The following CREM variants were observed in gnomAD, a reference collection of about 807,000 sequenced individuals.
The protein encoded by CREM is cAMP-responsive element modulator.
CREM carries 13 observed loss-of-function variants against 37.3 expected under a neutral mutation model. That is an observed-to-expected ratio of 0.35 (90% CI 0.23 to 0.55). The LOEUF is 0.55. CREM is among the 20% of genes least tolerant of loss of function. The pLI, the probability that CREM is intolerant of heterozygous loss-of-function variation, is 0.88. For missense variants in CREM, 296 were observed against 362.3 expected (o/e 0.82, Z 1.49); for synonymous variants, 124 against 120.2 (o/e 1.03, Z -0.21).
At chr10:35,209,860 T>A (rs17500582) in intron 7 of CREM, among the ~76,000 whole-genome samples, 50,586 of 152,036 alleles carry the variant, frequency 0.33, 8,513 homozygotes, top group Non-Finnish European at 0.35. Flanking sequence ...ATAACATTCT[T>A]TTCAATTTTA....
chr10:35,148,293 T>C, intron 2 of CREM, 75 bp from the exon 3 acceptor site: 1 of 1,429,568 alleles, frequency 7.0e-7, no homozygotes, highest in Non-Finnish European at 9.4e-7. Flanking sequence ...ATTTTTGGAT[T>C]AGGGATGTTC....
intron 2 of CREM, among the ~76,000 whole-genome samples, 162 bp downstream of exon 2, chr10:35,138,041 T>A (rs1036875864): frequency 2.8e-4 from 42 of 152,212 alleles, no homozygotes; most frequent in African/African-American, 9.6e-4. Flanking sequence ...AGGCACCATC[T>A]ACTGTGTACC....
At chr10:35,186,947 TTATA>T (rs549549984) in intron 5 of CREM, among the ~76,000 whole-genome samples, 4 of 98,314 alleles carry the variant, frequency 4.1e-5, no homozygotes, top group Non-Finnish European at 5.4e-5. Context: ...ACAATATAAA[TTATA>T]TATATAAATA....
chr10:35,128,196 A>G (rs1315776714), intron 1 of CREM, among the ~76,000 whole-genome samples: 1 of 152,170 alleles, frequency 6.6e-6, no homozygotes, highest in African/African-American at 2.4e-5. Flanking sequence ...TGAGTTTGAA[A>G]TCACTTAGGG....
At chr10:35,168,551 C>G (rs1390296373) in intron 3 of CREM, among the ~76,000 whole-genome samples, 1 of 152,150 alleles carries the variant, frequency 6.6e-6, no homozygotes, top group Non-Finnish European at 1.5e-5. Context: ...TGTAGGTTGC[C>G]TCTTCACTTT....
chr10:35,138,683 C>T (rs1375183415), intron 2 of CREM, among the ~76,000 whole-genome samples: 1 of 151,500 alleles, frequency 6.6e-6, no homozygotes, highest in Non-Finnish European at 1.5e-5. Context: ...GCCACCATAC[C>T]CGGCTAATTT....
At chr10:35,158,811 TGTTTTGTTTG>T (rs774140349) in intron 3 of CREM, among the ~76,000 whole-genome samples, 8,331 of 93,126 alleles carry the variant, frequency 0.089, 532 homozygotes, top group East Asian at 0.14. Context: ...TTTTTTTTGT[TGTTTTGTTTG>T]TTTTTTTTTT....
At chr10:35,130,196 CAAAAAAAAAA>C (rs754455183) in intron 1 of CREM, among the ~76,000 whole-genome samples, 1 of 67,206 alleles carries the variant, frequency 1.5e-5, no homozygotes, top group Admixed American at 1.6e-4. Context: ...AACTCAGTCT[CAAAAAAAAAA>C]AAAAAAAAAA....
At chr10:35,131,413 T>C (rs1183306855) in intron 1 of CREM, among the ~76,000 whole-genome samples, 1 of 152,162 alleles carries the variant, frequency 6.6e-6, no homozygotes, top group East Asian at 1.9e-4. Flanking sequence ...TAGTTTTGTT[T>C]ATATTCTTAA....
intron 6 of CREM, among the ~76,000 whole-genome samples, chr10:35,206,373 AGTATTTTCTCT>A (rs950203742): frequency 4.6e-5 from 7 of 152,190 alleles, no homozygotes; most frequent in Admixed American, 1.3e-4. Context: ...ATAATTTCCA[AGTATTTTCTCT>A]GTGCTCTGTG....
At chr10:35,209,789 G>A (rs2134800444) in intron 7 of CREM, among the ~76,000 whole-genome samples, 2 of 152,278 alleles carry the variant, frequency 1.3e-5, no homozygotes, top group East Asian at 1.9e-4. Flanking sequence ...ATTGGCAAAT[G>A]TGTGTGTTTG....
chr10:35,147,152 G>T lies in CREM; in HGVS notation c.45-1216G>T, dbSNP rs181299992. Reference sequence around the variant, plus strand: ...TGCAAGCTCTGCCTCCTGGGTTCACGCCATTCTCCTGCCTCAGCCTCCCGA... The same window carrying T: ...TGCAAGCTCTGCCTCCTGGGTTCACTCCATTCTCCTGCCTCAGCCTCCCGA... On this transcript the variant is annotated intron_variant, in intron 2 of 7. Coordinates refer to ENST00000685392, the MANE Select transcript of CREM (RefSeq NM_183011.2). Among the ~76,000 whole-genome samples, 227 of 145,840 alleles carry T rather than the reference G, an allele frequency of 1.6e-3. 1 individual carries two copies. The highest frequency in any genetic ancestry group is 5.3e-3 in the African/African-American group (207 of 39,330).
At chr10:35,167,478 A>G in intron 3 of CREM, 1 of 482,584 alleles carries the variant, frequency 2.1e-6, no homozygotes, top group South Asian at 4.1e-5. Flanking sequence ...ATGCAGGCCT[A>G]GTAGCTTTGT....
At chr10:35,175,512 A>G in intron 3 of CREM, 1 of 639,586 alleles carries the variant, frequency 1.6e-6, no homozygotes, top group Non-Finnish European at 2.8e-6. Flanking sequence ...GGTAGTTTAT[A>G]CTCTGGCCTA....
Position 35,171,419 on chromosome 10 carries a change from G to C in CREM, c.169-7470G>C, listed in dbSNP as rs143012763. The C allele has an allele frequency of 4.6e-5, 7 of 152,166 alleles. No individual in the cohort carries two copies. The East Asian group carries it at 1.4e-3, about 29-fold the overall frequency. 9.4% of individuals were successfully genotyped at this position (152,166 alleles called of 1,614,324 possible). ...ACTCCTGACCTCAGGTAATCCACCT[G>C]CCTCGGCCTCCTGAAGTGCTGGGAT... On this transcript the variant is annotated intron_variant, in intron 3 of 7. Coordinates refer to ENST00000685392, the MANE Select transcript of CREM (RefSeq NM_183011.2).
intron 6 of CREM, chr10:35,195,853 G>GACGTC: frequency 1.8e-6 from 1 of 564,218 alleles, no homozygotes; most frequent in Non-Finnish European, 3.2e-6. Flanking sequence ...GCTGCACATT[G>GACGTC]ACGTCAGCTC....
At chr10:35,189,910 G>A (rs989778560) in intron 6 of CREM, among the ~76,000 whole-genome samples, 1 of 152,166 alleles carries the variant, frequency 6.6e-6, no homozygotes, top group Admixed American at 6.5e-5. Context: ...TATTTTGGGG[G>A]TTAATGTGGA....
chr10:35,189,177 G>GTT (rs201302253), intron 6 of CREM, among the ~76,000 whole-genome samples: 84 of 144,298 alleles, frequency 5.8e-4, no homozygotes, highest in East Asian at 1.8e-3. Context: ...TGGGTTTTTT[G>GTT]TTTTTTTTTG....
At chr10:35,158,802 T>G (rs1203647492) in intron 3 of CREM, among the ~76,000 whole-genome samples, 1 of 128,638 alleles carries the variant, frequency 7.8e-6, no homozygotes, top group African/African-American at 2.7e-5. Context: ...TATAGTGTTT[T>G]TTTTTTGTTG....
Sources: allele counts gnomAD v4.1 joint callset (sites outside exome capture counted in the v4.1 genomes callset), GRCh38; gene constraint gnomAD v4.1.1; transcripts MANE v1.5; gene names NCBI Gene and HGNC (gene_info 2026-07-23, HGNC 2026-07-21).